Variants in GNAQ observed in about 807,000 individuals in gnomAD.
The protein encoded by GNAQ is G protein subunit alpha q.
In GNAQ, 8 loss-of-function variants were observed where a neutral mutation model predicts 43.9. That is an observed-to-expected ratio of 0.18 (90% CI 0.11 to 0.33). The LOEUF is 0.33. Ranked by LOEUF, GNAQ falls within the 10% of genes least tolerant of loss-of-function variation. The pLI, the probability that GNAQ is intolerant of heterozygous loss-of-function variation, is 1.00. For missense variants in GNAQ, 158 were observed against 450.8 expected (o/e 0.35, Z 5.88); for synonymous variants, 155 against 170.7 (o/e 0.91, Z 0.71).
intron 1 of GNAQ, among the ~76,000 whole-genome samples, chr9:77,965,428 C>A (rs1216319483): frequency 6.6e-6 from 1 of 152,022 alleles, no homozygotes; most frequent in Admixed American, 6.6e-5. Flanking sequence ...AATAAAAAGA[C>A]AAACCACAGA....
intron 1 of GNAQ, among the ~76,000 whole-genome samples, chr9:78,017,245 A>G (rs1300677612): frequency 1.3e-5 from 2 of 152,196 alleles, no homozygotes; most frequent in African/African-American, 4.8e-5. Flanking sequence ...TCTGATTTCA[A>G]GCTACCAAAG....
chr9:77,964,104 A>C (rs2118430826), intron 1 of GNAQ, among the ~76,000 whole-genome samples: 1 of 152,304 alleles, frequency 6.6e-6, no homozygotes, highest in Non-Finnish European at 1.5e-5. Flanking sequence ...ATTTTTCCAC[A>C]AAATTTCTGA....
chr9:77,841,160 C>CG (rs1554719926), intron 2 of GNAQ, among the ~76,000 whole-genome samples: 3 of 152,028 alleles, frequency 2.0e-5, no homozygotes, highest in Non-Finnish European at 4.4e-5. Context: ...AAAGAATTTT[C>CG]GTAATATTTT....
chr9:77,961,480 A>G (rs962800851), intron 1 of GNAQ, among the ~76,000 whole-genome samples: 5 of 151,840 alleles, frequency 3.3e-5, no homozygotes, highest in Non-Finnish European at 7.4e-5. Context: ...CTGAAGCTCA[A>G]TAATAATGAT....
At chr9:77,903,481 T>C (rs1373363900) in intron 2 of GNAQ, among the ~76,000 whole-genome samples, 1 of 152,116 alleles carries the variant, frequency 6.6e-6, no homozygotes, top group African/African-American at 2.4e-5. Flanking sequence ...TAAAGGAAGA[T>C]CCTAGAACAT....
intron 1 of GNAQ, among the ~76,000 whole-genome samples, chr9:78,015,019 GTC>G (rs1823820931): frequency 6.6e-6 from 1 of 152,200 alleles, no homozygotes; most frequent in Non-Finnish European, 1.5e-5. Flanking sequence ...AAAGTGTACA[GTC>G]ATGTCCTAGA....
At chr9:77,930,924 C>T (rs928956561) in intron 1 of GNAQ, among the ~76,000 whole-genome samples, 1 of 152,038 alleles carries the variant, frequency 6.6e-6, no homozygotes, top group African/African-American at 2.4e-5. Flanking sequence ...CTATGCCCTC[C>T]TGTGCATTAG....
At position 77,771,412 on chromosome 9, in the gene GNAQ, C is replaced by A. The variant is rs12339097; in HGVS notation, c.735+23051G>T. 5.2e-3 allele frequency among the ~76,000 whole-genome samples: 793 copies of A among 152,224 alleles called. 3 individuals are homozygous for A. The highest frequency in any genetic ancestry group is 0.017 in the African/African-American group (712 of 41,516). ...CATGCTGCAAATTAATCAGGAAGAG[C>A]ACGTTTAGTGTCATTTTCTAAAAGA... is the stretch of plus-strand genomic sequence containing the variant. On this transcript the variant is annotated intron_variant, in intron 5 of 6. Coordinates refer to ENST00000286548, the MANE Select transcript of GNAQ (RefSeq NM_002072.5).
chr9:77,779,177 ACACCTT>A (rs1162205487), intron 5 of GNAQ, among the ~76,000 whole-genome samples: 3 of 151,936 alleles, frequency 2.0e-5, no homozygotes, highest in Non-Finnish European at 4.4e-5. Context: ...GCCATAAAAG[ACACCTT>A]AACAAATTTA....
intron 1 of GNAQ, among the ~76,000 whole-genome samples, chr9:78,016,702 AG>A: frequency 6.6e-6 from 1 of 152,166 alleles, no homozygotes; most frequent in Admixed American, 6.5e-5. Context: ...AAAGAAATAC[AG>A]AAATAAAGTG....
chr9:77,942,467 C>T (rs563268091), intron 1 of GNAQ, among the ~76,000 whole-genome samples: 1 of 152,292 alleles, frequency 6.6e-6, no homozygotes, highest in African/African-American at 2.4e-5. Context: ...CTGTGATATA[C>T]TTGCAAAATG....
At chr9:77,841,782 C>T (rs1455248029) in intron 2 of GNAQ, among the ~76,000 whole-genome samples, 1 of 152,144 alleles carries the variant, frequency 6.6e-6, no homozygotes, top group Non-Finnish European at 1.5e-5. Flanking sequence ...TGACTAGACA[C>T]CATCCTTAAT....
intron 2 of GNAQ, among the ~76,000 whole-genome samples, chr9:77,893,349 C>T (rs1176162328): frequency 1.3e-5 from 2 of 152,178 alleles, no homozygotes; most frequent in East Asian, 3.9e-4. Context: ...AAGACACTCC[C>T]ACCAGCATCA....
At chr9:77,926,207 A>T (rs1384013592) in intron 1 of GNAQ, among the ~76,000 whole-genome samples, 1 of 152,184 alleles carries the variant, frequency 6.6e-6, no homozygotes, top group Non-Finnish European at 1.5e-5. Flanking sequence ...GCCAAATTTC[A>T]TGTGTCATTC....
intron 2 of GNAQ, among the ~76,000 whole-genome samples, chr9:77,863,665 T>C (rs543522784): frequency 1.9e-4 from 26 of 136,646 alleles, no homozygotes; most frequent in African/African-American, 6.3e-4. Context: ...AAAGACATAT[T>C]TGAGACTTGG....
At chr9:77,948,504 A>C (rs1435891716) in intron 1 of GNAQ, among the ~76,000 whole-genome samples, 1 of 152,156 alleles carries the variant, frequency 6.6e-6, no homozygotes, top group African/African-American at 2.4e-5. Context: ...ACACGGATGA[A>C]GGAGGACACA....
At chr9:77,786,375 A>T (rs1477751665) in intron 5 of GNAQ, among the ~76,000 whole-genome samples, 1 of 151,666 alleles carries the variant, frequency 6.6e-6, no homozygotes, top group Non-Finnish European at 1.5e-5. Context: ...AAAAAAAAGA[A>T]GAGTTAACAA....
chr9:77,813,677 C>T (rs1826964456), intron 3 of GNAQ, among the ~76,000 whole-genome samples: 2 of 152,006 alleles, frequency 1.3e-5, no homozygotes, highest in South Asian at 4.2e-4. Context: ...GGAGGCAAAC[C>T]CTAAGGGGGA....
intron 5 of GNAQ, among the ~76,000 whole-genome samples, chr9:77,731,980 C>T (rs1234494472): frequency 6.6e-6 from 1 of 152,156 alleles, no homozygotes; most frequent in East Asian, 1.9e-4. Flanking sequence ...TATGGAAGAA[C>T]AGTTACAAAC....
Sources: gnomAD v4.1 joint callset for allele counts (sites outside exome capture counted in the v4.1 genomes callset) on GRCh38, gnomAD v4.1.1 for gene constraint, MANE v1.5 for transcripts, NCBI Gene and HGNC (gene_info 2026-07-23, HGNC 2026-07-21) for gene names.